The following ARHGAP44 variants were observed in gnomAD, a reference collection of about 807,000 sequenced individuals.
ARHGAP44 encodes Rho GTPase activating protein 44, also known as rho GTPase-activating protein 44.
Under a neutral mutation model 106.8 loss-of-function variants are expected in ARHGAP44, and 43 were observed. The ratio of observed to expected loss-of-function variants is 0.40; its 90% CI spans 0.32 to 0.52. The LOEUF (loss-of-function observed/expected upper bound fraction) is 0.52, where lower values mean the gene tolerates loss of function less well. Ranked by LOEUF, ARHGAP44 falls within the 20% of genes least tolerant of loss-of-function variation. ARHGAP44 has a pLI of 0.48. For missense variants in ARHGAP44, 866 were observed against 1,050.5 expected (o/e 0.82, Z 2.43); for synonymous variants, 439 against 410.3 (o/e 1.07, Z -0.85).
intron 1 of ARHGAP44, among the ~76,000 whole-genome samples, chr17:12,814,264 G>A (rs1306501311): frequency 9.3e-6 from 1 of 108,048 alleles, no homozygotes; most frequent in Non-Finnish European, 1.8e-5. Flanking sequence ...TTTTTGAGAT[G>A]GAGTCTTGCA....
At chr17:12,881,108 A>G (rs2036724616) in intron 1 of ARHGAP44, among the ~76,000 whole-genome samples, 1 of 150,774 alleles carries the variant, frequency 6.6e-6, no homozygotes, top group African/African-American at 2.4e-5. Flanking sequence ...GTATTTTCTT[A>G]TATATGTCTT....
chr17:12,983,243 T>C (rs1299211407), intron 19 of ARHGAP44, among the ~76,000 whole-genome samples: 45 of 114,710 alleles, frequency 3.9e-4, no homozygotes, highest in African/African-American at 1.4e-3. Flanking sequence ...CCAGCCTGGG[T>C]GACAGAGCGA....
At chr17:12,790,086 C>A in intron 1 of ARHGAP44, 195 bp downstream of exon 1, 1 of 505,206 alleles carries the variant, frequency 2.0e-6, no homozygotes, top group Non-Finnish European at 3.4e-6. Flanking sequence ...TCTTCTCACT[C>A]GCCGCCTTCT....
Position 12,956,106 on chromosome 17 carries a change from G to A in ARHGAP44, c.1250+126G>A, listed in dbSNP as rs560455240. The A allele has an allele frequency of 4.6e-6, 3 of 649,478 alleles. No homozygotes were observed. In the East Asian group the frequency reaches 8.3e-5, roughly 18 times the overall value. 40.2% of individuals were successfully genotyped at this position (649,478 alleles called of 1,614,324 possible). ...TGTATTTTCCAAACCCTATTTCTTT[G>A]TTGGCCTGCTCCTCTTTTAGGCTGA... is the stretch of plus-strand genomic sequence containing the variant. On this transcript the variant is annotated intron_variant, in intron 14 of 20. Coordinates refer to ENST00000379672, the MANE Select transcript of ARHGAP44 (RefSeq NM_014859.6).
At chr17:12,916,532 C>A (rs1045164086) in intron 5 of ARHGAP44, among the ~76,000 whole-genome samples, 3 of 152,052 alleles carry the variant, frequency 2.0e-5, no homozygotes, top group Non-Finnish European at 2.9e-5. Context: ...TTATAGGCAC[C>A]CACCACCATG....
chr17:12,926,385 T>TTATATATAATATATATTGTA (rs2038229763), intron 6 of ARHGAP44, among the ~76,000 whole-genome samples: 1 of 145,658 alleles, frequency 6.9e-6, no homozygotes, highest in Non-Finnish European at 1.5e-5. Context: ...TATATATGTA[T>TTATATATAATATATATTGTA]TATATATAAT....
At chr17:12,833,301 G>A (rs1274858979) in intron 1 of ARHGAP44, among the ~76,000 whole-genome samples, 5 of 152,094 alleles carry the variant, frequency 3.3e-5, no homozygotes, top group South Asian at 2.1e-4. Context: ...GGACTTTTTC[G>A]TACGTGTCTG....
intron 1 of ARHGAP44, among the ~76,000 whole-genome samples, chr17:12,836,464 A>G (rs1009151275): frequency 3.3e-5 from 5 of 152,118 alleles, no homozygotes; most frequent in East Asian, 1.9e-4. Context: ...CCTGGCCAAC[A>G]TGGCGGAACA....
intron 20 of ARHGAP44, among the ~76,000 whole-genome samples, chr17:12,989,684 C>T (rs963098419): frequency 6.6e-6 from 1 of 152,078 alleles, no homozygotes; most frequent in African/African-American, 2.4e-5. Context: ...GAAATGCAGT[C>T]GTCTGATATA....
In ARHGAP44 at chr17:12,935,396, A is replaced by T. The variant is rs1229018037; in HGVS notation, c.583-5660A>T. Among the ~76,000 whole-genome samples, 3 of 152,040 alleles carry T rather than the reference A, an allele frequency of 2.0e-5. No homozygotes were observed. The East Asian group carries it at 5.8e-4, about 29-fold the overall frequency. On this transcript the variant is annotated intron_variant, in intron 7 of 20. Coordinates refer to ENST00000379672, the MANE Select transcript of ARHGAP44 (RefSeq NM_014859.6). ...CAAGACCAGCCTGACCAACATGGTG[A>T]AATACTCTACTAAAAATACAAAAAT...
intron 1 of ARHGAP44, among the ~76,000 whole-genome samples, chr17:12,859,378 C>G (rs1324585703): frequency 6.6e-6 from 1 of 152,192 alleles, no homozygotes; most frequent in Non-Finnish European, 1.5e-5. Flanking sequence ...TGTGGTACTT[C>G]ATTATGGCAG....
intron 16 of ARHGAP44, among the ~76,000 whole-genome samples, chr17:12,970,720 A>C (rs2039509078): frequency 6.6e-6 from 1 of 152,248 alleles, no homozygotes; most frequent in South Asian, 2.1e-4. Flanking sequence ...AAACAGCAGC[A>C]GTGCCTTGAT....
chr17:12,880,346 C>T (rs11652580), intron 1 of ARHGAP44, among the ~76,000 whole-genome samples: 106,065 of 151,966 alleles, frequency 0.7, 37,612 homozygotes, highest in East Asian at 0.98. Flanking sequence ...AGTCTCTTTC[C>T]GTTTTTCAGA....
intron 6 of ARHGAP44, among the ~76,000 whole-genome samples, chr17:12,922,372 A>G (rs1402965443): frequency 1.3e-5 from 2 of 152,202 alleles, no homozygotes; most frequent in East Asian, 1.9e-4. Flanking sequence ...TATTACCTCT[A>G]TGACCTTGTG....
At chr17:12,959,610 C>T (rs1479672472) in intron 16 of ARHGAP44, among the ~76,000 whole-genome samples, 3 of 152,178 alleles carry the variant, frequency 2.0e-5, no homozygotes, top group East Asian at 1.9e-4. Context: ...CGGTGAGCAC[C>T]GGCTCAGCCA....
intron 1 of ARHGAP44, among the ~76,000 whole-genome samples, chr17:12,877,594 C>T (rs1211806662): frequency 6.6e-6 from 1 of 151,834 alleles, no homozygotes; most frequent in Non-Finnish European, 1.5e-5. Flanking sequence ...ACTAAAAATA[C>T]AAAAAATTAG....
chr17:12,841,480 G>T (rs1392812221), intron 1 of ARHGAP44, among the ~76,000 whole-genome samples: 1 of 151,886 alleles, frequency 6.6e-6, no homozygotes, highest in African/African-American at 2.4e-5. Context: ...AGTTACTTGG[G>T]AGGCTAAGGC....
Position 12,989,077 on chromosome 17 carries a change from A to G in ARHGAP44, c.2318-955A>G, listed in dbSNP as rs57658637. Among the ~76,000 whole-genome samples, 1,870 of 139,262 alleles carry G rather than the reference A, an allele frequency of 0.013. 81 individuals carry two copies. The East Asian group carries it at 0.15, about 11-fold the overall frequency. 91.4% of individuals were successfully genotyped at this position (139,262 alleles called of 152,430 possible). A position where few individuals can be genotyped will look rare whatever the true frequency, so the allele number is the denominator to read the frequency against. On this transcript the variant is annotated intron_variant, in intron 20 of 20. Coordinates refer to ENST00000379672, the MANE Select transcript of ARHGAP44 (RefSeq NM_014859.6). ...GTGCCATTGCACTCCAGTCTGTGTGACAAGAGCGAAACTCCACCCCCCCCA... is the reference window on the plus strand; with the variant it reads ...GTGCCATTGCACTCCAGTCTGTGTGGCAAGAGCGAAACTCCACCCCCCCCA...
chr17:12,845,506 C>CAAAA (rs748288660), intron 1 of ARHGAP44, among the ~76,000 whole-genome samples: 28 of 67,924 alleles, frequency 4.1e-4, no homozygotes, highest in African/African-American at 1.3e-3. Context: ...GACTCCGTCT[C>CAAAA]AAAAAAAAAA....
Sources: allele counts gnomAD v4.1 joint callset (sites outside exome capture counted in the v4.1 genomes callset), GRCh38; gene constraint gnomAD v4.1.1; transcripts MANE v1.5; gene names NCBI Gene and HGNC (gene_info 2026-07-23, HGNC 2026-07-21).